Variants in SGCD observed in about 807,000 individuals in gnomAD.
SGCD encodes delta-sarcoglycan.
In SGCD, 18 loss-of-function variants were observed where a neutral mutation model predicts 36.6. The ratio of observed to expected loss-of-function variants is 0.49; its 90% CI spans 0.34 to 0.73. The LOEUF (loss-of-function observed/expected upper bound fraction) is 0.73, where lower values mean the gene tolerates loss of function less well. SGCD is among the 30% of genes least tolerant of loss of function. SGCD has a pLI of 0.01. For synonymous variants in SGCD, 133 were observed against 130.6 expected (o/e 1.02, Z -0.12); for missense variants, 387 against 346.7 (o/e 1.12, Z -0.92).
the SGCD span, among the ~76,000 whole-genome samples, chr5:155,772,405 G>C: frequency 2.0e-5 from 3 of 152,296 alleles, no homozygotes; most frequent in African/African-American, 4.8e-5. Flanking sequence ...TCTGGCTAGA[G>C]ACAAGTGAAT....
chr5:155,737,127 A>T, the SGCD span, among the ~76,000 whole-genome samples: 1 of 152,208 alleles, frequency 6.6e-6, no homozygotes, highest in Non-Finnish European at 1.5e-5. Context: ...TTCAAACTTT[A>T]CTAGGTAATA....
At chr5:156,391,209 T>C (rs1435349908) in intron 3 of SGCD, among the ~76,000 whole-genome samples, 1 of 152,254 alleles carries the variant, frequency 6.6e-6, no homozygotes, top group Non-Finnish European at 1.5e-5. Context: ...TTGCCTACTG[T>C]ATTAAGTACA....
chr5:156,712,769 C>G (rs928490982), intron 7 of SGCD, among the ~76,000 whole-genome samples: 1 of 152,202 alleles, frequency 6.6e-6, no homozygotes, highest in African/African-American at 2.4e-5. Flanking sequence ...CCACAGGCCC[C>G]TCTTCCTTCA....
intron 3 of SGCD, among the ~76,000 whole-genome samples, chr5:156,286,797 C>T (rs1766612590): frequency 6.6e-6 from 1 of 151,580 alleles, no homozygotes; most frequent in Admixed American, 6.6e-5. Flanking sequence ...ACGTTGTGCA[C>T]ATGTACCCTA....
intron 2 of SGCD, among the ~76,000 whole-genome samples, chr5:156,342,998 A>G (rs950516881): frequency 1.3e-5 from 2 of 152,226 alleles, no homozygotes; most frequent in African/African-American, 4.8e-5. Flanking sequence ...TCAGTTAGCC[A>G]TAAGGAAGAA....
chr5:156,302,195 T>G (rs1392034108), intron 3 of SGCD, among the ~76,000 whole-genome samples: 1 of 152,056 alleles, frequency 6.6e-6, no homozygotes. Flanking sequence ...GCTTCATTCC[T>G]TTTTATTCTT....
intron 3 of SGCD, among the ~76,000 whole-genome samples, chr5:156,221,142 A>G (rs868846043): frequency 1.1e-4 from 16 of 152,146 alleles, no homozygotes; most frequent in African/African-American, 3.9e-4. Flanking sequence ...ATAACGGAAT[A>G]GTACAGACTG....
chr5:156,236,172 A>G (rs948749165), intron 3 of SGCD, among the ~76,000 whole-genome samples: 4 of 152,124 alleles, frequency 2.6e-5, no homozygotes, highest in Admixed American at 2.6e-4. Flanking sequence ...TGATCAAAAC[A>G]TGTTACGGTT....
rs563036917 is a variant in SGCD at position 155,995,271 on chromosome 5, C to T, written c.-281-122607C>T. On this transcript the variant is annotated intron_variant, in intron 1 of 9. Transcript: ENST00000517913. ...AGCTGCCATATAAGAGAGAAAGGGT[C>T]GGATGATTTCTCTCTTTTCTATTTT... is the stretch of plus-strand genomic sequence containing the variant. Among the ~76,000 whole-genome samples the T allele has an allele frequency of 8.5e-5, 13 of 152,090 alleles. No individual in the cohort carries two copies. In the South Asian group the frequency reaches 2.3e-3, roughly 27 times the overall value.
intron 3 of SGCD, among the ~76,000 whole-genome samples, chr5:156,308,587 C>T (rs779039211): frequency 2.8e-4 from 42 of 152,038 alleles, no homozygotes; most frequent in Non-Finnish European, 4.7e-4. Context: ...CATGAGCCAC[C>T]GCACCTGGCC....
At chr5:155,883,920 T>C (rs1755945829) in intron 1 of SGCD, among the ~76,000 whole-genome samples, 1 of 151,914 alleles carries the variant, frequency 6.6e-6, no homozygotes, top group African/African-American at 2.4e-5. Context: ...AGCAAAATCC[T>C]ACAGGGTAGT....
intron 3 of SGCD, among the ~76,000 whole-genome samples, chr5:156,425,105 C>T (rs945341590): frequency 5.3e-5 from 8 of 152,076 alleles, no homozygotes; most frequent in African/African-American, 1.9e-4. Flanking sequence ...GAAAGCCAAC[C>T]TTATAAGCAA....
intron 7 of SGCD, among the ~76,000 whole-genome samples, chr5:156,752,402 T>A (rs1319066867): frequency 1.3e-5 from 2 of 152,160 alleles, no homozygotes; most frequent in African/African-American, 2.4e-5. Context: ...CTTTCTTTTT[T>A]TCCCCCCCAA....
intron 4 of SGCD, among the ~76,000 whole-genome samples, chr5:156,521,545 A>C (rs1757405502): frequency 6.6e-6 from 1 of 152,228 alleles, no homozygotes; most frequent in Non-Finnish European, 1.5e-5. Context: ...AAGGACACGA[A>C]CAGACAGTTC....
chr5:156,408,352 A>G (rs1032822537), intron 3 of SGCD, among the ~76,000 whole-genome samples: 5 of 148,906 alleles, frequency 3.4e-5, no homozygotes, highest in African/African-American at 1.3e-4. Flanking sequence ...GAGGAACCCA[A>G]GTTGGATTTT....
At chr5:156,140,706 G>A (rs1762559547) in intron 3 of SGCD, among the ~76,000 whole-genome samples, 1 of 152,038 alleles carries the variant, frequency 6.6e-6, no homozygotes, top group South Asian at 2.1e-4. Context: ...ATATGATGCA[G>A]AACATAAAAA....
chr5:155,763,621 A>G, the SGCD span, among the ~76,000 whole-genome samples: 1 of 152,192 alleles, frequency 6.6e-6, no homozygotes, highest in Non-Finnish European at 1.5e-5. Flanking sequence ...AAGCGACATC[A>G]AAGAGAGTGT....
At chr5:156,266,740 A>C (rs1176083014) in intron 3 of SGCD, among the ~76,000 whole-genome samples, 1 of 149,380 alleles carries the variant, frequency 6.7e-6, no homozygotes, top group Non-Finnish European at 1.5e-5. Context: ...AGCCTCCCAC[A>C]GTGTTGGGAA....
intron 1 of SGCD, among the ~76,000 whole-genome samples, chr5:155,950,316 C>G (rs1013990106): frequency 6.6e-6 from 1 of 152,156 alleles, no homozygotes; most frequent in Non-Finnish European, 1.5e-5. Flanking sequence ...TAGAAATAGT[C>G]AAGAGAGTCT....
Sources: gnomAD v4.1 joint callset for allele counts (sites outside exome capture counted in the v4.1 genomes callset) on GRCh38, gnomAD v4.1.1 for gene constraint, MANE v1.5 for transcripts, NCBI Gene and HGNC (gene_info 2026-07-23, HGNC 2026-07-21) for gene names.